The following DCDC2 variants were observed in gnomAD, a reference collection of about 807,000 sequenced individuals.
DCDC2 encodes doublecortin domain-containing protein 2.
DCDC2 carries 40 observed loss-of-function variants against 50.2 expected under a neutral mutation model. The observed-to-expected ratio is 0.80, with a 90% confidence interval of 0.62 to 1.04. DCDC2 has a LOEUF of 1.04. Ranked by LOEUF, DCDC2 falls within the 50% of genes least tolerant of loss-of-function variation. The pLI is 0.00. For synonymous variants in DCDC2, 234 were observed against 210.6 expected, an observed-to-expected ratio of 1.11 and a Z score of -0.96; for missense variants, 570 against 581.9, an observed-to-expected ratio of 0.98 and a Z score of 0.21.
chr6:24,297,088 TA>T (rs1759267452), intron 4 of DCDC2, among the ~76,000 whole-genome samples: 1 of 152,030 alleles, frequency 6.6e-6, no homozygotes, highest in African/African-American at 2.4e-5. Flanking sequence ...GTAGACTGGA[TA>T]AAGAAAAAGT....
chr6:24,288,598 G>T (rs1422459629), intron 6 of DCDC2, among the ~76,000 whole-genome samples: 1 of 152,150 alleles, frequency 6.6e-6, no homozygotes, highest in African/African-American at 2.4e-5. Flanking sequence ...TTATTGCCAA[G>T]ATTTTAAGTG....
At chr6:24,228,341 G>T (rs1357592399) in intron 7 of DCDC2, among the ~76,000 whole-genome samples, 1 of 152,196 alleles carries the variant, frequency 6.6e-6, no homozygotes, top group African/African-American at 2.4e-5. Context: ...ATTAATTGGA[G>T]ATTTTAAGCA....
intron 2 of DCDC2, among the ~76,000 whole-genome samples, chr6:24,322,045 T>C (rs933989829): frequency 6.6e-6 from 1 of 152,196 alleles, no homozygotes; most frequent in Non-Finnish European, 1.5e-5. Context: ...ATGGGTGTCA[T>C]ATTCTGATTT....
the DCDC2 span, among the ~76,000 whole-genome samples, chr6:24,375,488 CGT>C: frequency 6.6e-6 from 1 of 151,968 alleles, no homozygotes; most frequent in East Asian, 1.9e-4. Flanking sequence ...CTAGGAGATA[CGT>C]ATATATATAT....
chr6:24,359,342 T>TTTTATATTTA, upstream of DCDC2, among the ~76,000 whole-genome samples: 2 of 66,456 alleles, frequency 3.0e-5, no homozygotes, highest in African/African-American at 1.5e-4. Context: ...ATATTATATA[T>TTTTATATTTA]TATATATATT....
At position 24,248,338 on chromosome 6, in the gene DCDC2, A is replaced by G. The variant is rs1449103071; in HGVS notation, c.922+29711T>C. On this transcript the variant is annotated intron_variant, in intron 7 of 9. Transcript: ENST00000378454. Reference sequence around the variant, plus strand: ...TCACTTACCAGATCTAGACCTTCACATACAAGTTACATGGTCTGAACCTCT... The same window carrying G: ...TCACTTACCAGATCTAGACCTTCACGTACAAGTTACATGGTCTGAACCTCT... Among the ~76,000 whole-genome samples, 5 of 152,318 alleles carry G rather than the reference A, an allele frequency of 3.3e-5. No individual in the cohort carries two copies. In the South Asian group the frequency reaches 1.0e-3, roughly 32 times the overall value.
chr6:24,244,026 G>C (rs1165693273), intron 7 of DCDC2, among the ~76,000 whole-genome samples: 2 of 152,168 alleles, frequency 1.3e-5, no homozygotes, highest in African/African-American at 2.4e-5. Context: ...TTATTAAGTA[G>C]CATCCAGCTA....
chr6:24,180,592 GT>G (rs112683160), intron 8 of DCDC2, among the ~76,000 whole-genome samples: 5 of 151,780 alleles, frequency 3.3e-5, no homozygotes, highest in African/African-American at 7.3e-5. Flanking sequence ...CCGGCCCAGG[GT>G]TTTTTTTAAT....
At chr6:24,341,940 G>T (rs1281569933) in intron 2 of DCDC2, among the ~76,000 whole-genome samples, 1 of 66,126 alleles carries the variant, frequency 1.5e-5, no homozygotes, top group Non-Finnish European at 2.9e-5. Flanking sequence ...ACGCATGTGT[G>T]CACGCGTACA....
chr6:24,238,749 T>G (rs1384312984), intron 7 of DCDC2, among the ~76,000 whole-genome samples: 1 of 152,150 alleles, frequency 6.6e-6, no homozygotes, highest in African/African-American at 2.4e-5. Context: ...CCTAAAGGAT[T>G]ATCAGATGGA....
the DCDC2 span, among the ~76,000 whole-genome samples, chr6:24,363,310 A>G: frequency 6.6e-6 from 1 of 152,134 alleles, no homozygotes; most frequent in African/African-American, 2.4e-5. Context: ...CCTGGCCAAC[A>G]TGGCAAAACC....
At chr6:24,351,403 G>A (rs1425379562) in intron 2 of DCDC2, among the ~76,000 whole-genome samples, 4 of 152,206 alleles carry the variant, frequency 2.6e-5, no homozygotes, top group South Asian at 2.1e-4. Flanking sequence ...AGCTGGGCAT[G>A]AGTGAGTGGA....
intron 7 of DCDC2, among the ~76,000 whole-genome samples, chr6:24,220,923 C>CGAGCGAGCGA (rs1304204414): frequency 2.9e-5 from 3 of 105,242 alleles, no homozygotes; most frequent in African/African-American, 4.7e-5. Context: ...AGCGAGCGAG[C>CGAGCGAGCGA]GAGAGCACAT....
chr6:24,198,573 G>C (rs1327473798), intron 8 of DCDC2, among the ~76,000 whole-genome samples: 1 of 152,128 alleles, frequency 6.6e-6, no homozygotes, highest in Non-Finnish European at 1.5e-5. Context: ...CACAAAACTG[G>C]GCAGCCATTT....
chr6:24,309,842 T>C (rs1759540507), intron 2 of DCDC2, among the ~76,000 whole-genome samples: 1 of 152,094 alleles, frequency 6.6e-6, no homozygotes, highest in South Asian at 2.1e-4. Flanking sequence ...TATAAAGACG[T>C]GAGTAGGCCA....
intron 4 of DCDC2, among the ~76,000 whole-genome samples, chr6:24,299,434 A>G (rs1759326686): frequency 6.6e-6 from 1 of 152,228 alleles, no homozygotes; most frequent in East Asian, 1.9e-4. Flanking sequence ...ATCATGCAAT[A>G]TACCCATGTA....
intron 8 of DCDC2, among the ~76,000 whole-genome samples, chr6:24,191,948 G>A (rs536289072): frequency 5.2e-4 from 79 of 152,264 alleles, no homozygotes; most frequent in Non-Finnish European, 8.4e-4. Context: ...AAGCCTTTGC[G>A]TGCTTAAAAA....
chr6:24,236,103 A>C (rs1413082884), intron 7 of DCDC2, among the ~76,000 whole-genome samples: 1 of 152,228 alleles, frequency 6.6e-6, no homozygotes, highest in Non-Finnish European at 1.5e-5. Flanking sequence ...TCTAAAATTC[A>C]TATGAACCAA....
At chr6:24,214,422 T>G (rs1432794848) in intron 7 of DCDC2, among the ~76,000 whole-genome samples, 5 of 152,214 alleles carry the variant, frequency 3.3e-5, no homozygotes, top group Non-Finnish European at 7.3e-5. Flanking sequence ...ATATTTCAGA[T>G]TCTCATGAAA....
Sources: gnomAD v4.1 joint callset for allele counts (sites outside exome capture counted in the v4.1 genomes callset) on GRCh38, gnomAD v4.1.1 for gene constraint, MANE v1.5 for transcripts, NCBI Gene and HGNC (gene_info 2026-07-23, HGNC 2026-07-21) for gene names.